Variants in RHEX observed in about 807,000 individuals in gnomAD.
RHEX encodes regulator of hemoglobinization and erythroid cell expansion, also known as regulator of hemoglobinization and erythroid cell expansion protein.
A neutral mutation model predicts 20.1 loss-of-function variants in RHEX; 18 were observed. That is an observed-to-expected ratio of 0.90 (90% CI 0.62 to 1.33). RHEX has a LOEUF of 1.33. Ranked by LOEUF, RHEX falls within the 40% of genes most tolerant of loss-of-function variation. The pLI is 0.00. For missense variants in RHEX, 192 were observed against 214.3 expected (o/e 0.90, Z 0.65); for synonymous variants, 87 against 77.1 (o/e 1.13, Z -0.67).
At chr1:206,091,081 C>T (rs1571870066) in intron 1 of RHEX, among the ~76,000 whole-genome samples, 1 of 152,202 alleles carries the variant, frequency 6.6e-6, no homozygotes, top group East Asian at 1.9e-4. Flanking sequence ...TGCCTGAGCA[C>T]AAAGGCTGAT....
rs556412376 is a variant in RHEX, at chr1:206,061,000, G to A, written c.-97+7735G>A. On this transcript the variant is annotated intron_variant, in intron 1 of 5. Coordinates refer to ENST00000331555, the MANE Select transcript of RHEX (RefSeq NM_001007544.4). ...TAAGACCTCTTCTCTAGACTTGCTG[G>A]GGACTCTGTACACAGCAATAAGAAT... is the stretch of plus-strand genomic sequence containing the variant. Among the ~76,000 whole-genome samples the A allele has an allele frequency of 1.2e-4, 18 of 152,142 alleles. No homozygotes were observed. The South Asian group carries it at 3.1e-3, about 26-fold the overall frequency.
chr1:206,101,609 G>A, intron 5 of RHEX, 143 bp from the exon 6 acceptor site: 1 of 658,458 alleles, frequency 1.5e-6, no homozygotes, highest in Non-Finnish European at 2.7e-6. Flanking sequence ...GCCCTGGACT[G>A]CTCCCAGACA....
intron 1 of RHEX, among the ~76,000 whole-genome samples, chr1:206,093,049 G>A (rs1408948113): frequency 2.0e-5 from 3 of 152,114 alleles, no homozygotes; most frequent in East Asian, 1.9e-4. Context: ...AAGTCACACC[G>A]TTAGCAAGTG....
In RHEX at chr1:206,053,194, C is replaced by T. The variant is rs1553282042; in HGVS notation, c.-168C>T. ...CACCAGAGCAGCGTGTAGCAGTTCC[C>T]TGTGGAGGATTAACACAGTGGCTGA... On this transcript the variant is annotated 5_prime_UTR_variant, in exon 1 of 6. Coordinates refer to ENST00000331555, the MANE Select transcript of RHEX (RefSeq NM_001007544.4). 6.5e-6 allele frequency: 1 copy of T among 152,750 alleles called. No homozygotes were observed. Among genetic ancestry groups the T allele is most frequent in the African/African-American group, 2.4e-5 (1 of 41,464 alleles). The allele number at this position is 152,750 out of a possible 1,614,324, so 9.5% of individuals were successfully genotyped here. A position where few individuals can be genotyped will look rare whatever the true frequency, so the allele number is the denominator to read the frequency against.
intron 1 of RHEX, among the ~76,000 whole-genome samples, chr1:206,081,987 C>T (rs1323085560): frequency 1.3e-5 from 2 of 152,160 alleles, no homozygotes; most frequent in South Asian, 2.1e-4. Flanking sequence ...CAGGGCAAAC[C>T]TAGAGCAGGT....
chr1:206,059,449 T>C (rs1553283053), intron 1 of RHEX, among the ~76,000 whole-genome samples: 1 of 152,162 alleles, frequency 6.6e-6, no homozygotes, highest in Non-Finnish European at 1.5e-5. Flanking sequence ...GGCTAGTAAA[T>C]TGCCTTAGTG....
intron 1 of RHEX, among the ~76,000 whole-genome samples, chr1:206,090,654 A>AT (rs1553286934): frequency 6.6e-6 from 1 of 152,108 alleles, no homozygotes; most frequent in East Asian, 1.9e-4. Context: ...TTTAAAAGTG[A>AT]TTTTTAAGTG....
At chr1:206,064,275 C>T (rs1662371374) in intron 1 of RHEX, among the ~76,000 whole-genome samples, 1 of 146,002 alleles carries the variant, frequency 6.8e-6, no homozygotes, top group Non-Finnish European at 1.5e-5. Context: ...GGGGTCAGCC[C>T]CCCGCCCGGC....
intron 1 of RHEX, among the ~76,000 whole-genome samples, chr1:206,082,323 T>C (rs1662754920): frequency 6.6e-6 from 1 of 151,950 alleles, no homozygotes; most frequent in Admixed American, 6.6e-5. Flanking sequence ...TGAGACCAGC[T>C]CCTGACCAGC....
At chr1:206,060,216 G>C (rs1230961387) in intron 1 of RHEX, among the ~76,000 whole-genome samples, 1 of 152,130 alleles carries the variant, frequency 6.6e-6, no homozygotes, top group Non-Finnish European at 1.5e-5. Flanking sequence ...AATAATGATT[G>C]TTCCTATCTC....
chr1:206,084,224 A>C (rs1553286217), intron 1 of RHEX, among the ~76,000 whole-genome samples: 1 of 152,188 alleles, frequency 6.6e-6, no homozygotes, highest in Non-Finnish European at 1.5e-5. Context: ...GGGAGTTTTA[A>C]AATTTTATGA....
At chr1:206,078,712 G>A (rs1316668445) in intron 1 of RHEX, among the ~76,000 whole-genome samples, 5 of 152,110 alleles carry the variant, frequency 3.3e-5, no homozygotes, top group South Asian at 2.1e-4. Context: ...GTTAAACTTC[G>A]GTGTATGGAG....
chr1:206,083,504 C>T (rs949243532), intron 1 of RHEX: 3 of 985,270 alleles, frequency 3.0e-6, no homozygotes, highest in Admixed American at 6.2e-5. Context: ...AGTGCTCCCG[C>T]CTTGTTGGAA....
chr1:206,058,112 C>T (rs1553282837), intron 1 of RHEX, among the ~76,000 whole-genome samples: 2 of 152,230 alleles, frequency 1.3e-5, no homozygotes, highest in Non-Finnish European at 1.5e-5. Flanking sequence ...ACAAAACTGG[C>T]ACATGCACCT....
intron 1 of RHEX, among the ~76,000 whole-genome samples, chr1:206,055,620 A>G (rs932811944): frequency 2.0e-5 from 3 of 152,402 alleles, no homozygotes; most frequent in South Asian, 4.1e-4. Flanking sequence ...ACAGGATTTA[A>G]GTCAATATTT....
chr1:206,084,042 A>G (rs1662788707), intron 1 of RHEX, among the ~76,000 whole-genome samples: 1 of 152,232 alleles, frequency 6.6e-6, no homozygotes, highest in Non-Finnish European at 1.5e-5. Context: ...ATGTACATTT[A>G]GTGCCAGTAC....
At chr1:206,076,199 G>C (rs544633327) in intron 1 of RHEX, among the ~76,000 whole-genome samples, 1 of 151,838 alleles carries the variant, frequency 6.6e-6, no homozygotes. Context: ...CTGTCACCCA[G>C]GTTGGAGTGC....
intron 1 of RHEX, among the ~76,000 whole-genome samples, chr1:206,097,288 C>T (rs191235365): frequency 2.1e-4 from 32 of 152,280 alleles, no homozygotes; most frequent in Admixed American, 2.0e-3. Context: ...AGCTGTCCTA[C>T]AGAAAGAATC....
At chr1:206,079,548 G>A (rs1347757542) in intron 1 of RHEX, among the ~76,000 whole-genome samples, 2 of 152,188 alleles carry the variant, frequency 1.3e-5, no homozygotes, top group Non-Finnish European at 2.9e-5. Flanking sequence ...GGTTAGATCA[G>A]CAAGGCATTT....
Sources: allele counts gnomAD v4.1 joint callset (sites outside exome capture counted in the v4.1 genomes callset), GRCh38; gene constraint gnomAD v4.1.1; transcripts MANE v1.5; gene names NCBI Gene and HGNC (gene_info 2026-07-23, HGNC 2026-07-21).